The following TRIM49 variants were observed in gnomAD, a reference collection of about 807,000 sequenced individuals.
TRIM49 encodes the protein tripartite motif containing 49.
TRIM49 carries 5 observed loss-of-function variants against 27.4 expected under a neutral mutation model. The observed-to-expected ratio is 0.18, with a 90% CI of 0.10 to 0.38. The LOEUF (loss-of-function observed/expected upper bound fraction) is 0.38. Among genes scored for constraint, TRIM49 ranks in the 10% least tolerant of loss-of-function variants. The probability of loss-of-function intolerance (pLI) is 1.00; values close to 1 mark genes in which losing one functional copy is unlikely to be tolerated. For missense variants in TRIM49, 188 were observed against 487.5 expected (o/e 0.39, Z 5.79); for synonymous variants, 69 against 166.0 (o/e 0.42, Z 4.49).
the TRIM49 span, chr11:89,768,290 C>A: frequency 6.7e-7 from 1 of 1,496,134 alleles, no homozygotes; most frequent in South Asian, 1.2e-5. Flanking sequence ...CTCACTCCTG[C>A]AAGGAAGTAG....
the TRIM49 span, among the ~76,000 whole-genome samples, chr11:89,791,036 T>G: frequency 6.8e-6 from 1 of 146,634 alleles, no homozygotes; most frequent in African/African-American, 2.6e-5. Context: ...AGAACCAATG[T>G]AGAGAAGTCC....
the TRIM49 span, among the ~76,000 whole-genome samples, chr11:89,783,636 A>C: frequency 7.1e-6 from 1 of 140,876 alleles, no homozygotes; most frequent in Non-Finnish European, 1.5e-5. Flanking sequence ...AAATTTAATT[A>C]CTTGCTAAGC....
Position 89,804,016 on chromosome 11 carries a change from T to C in TRIM49, c.411+43A>G, listed in dbSNP as rs778953165. On this transcript the variant is annotated intron_variant, in intron 3 of 7. Coordinates refer to ENST00000329758, the MANE Select transcript of TRIM49 (RefSeq NM_020358.2). ...CAAGAAAATAGACCCACAGGAATTTTATGCTTCCTTTACAGAAATCGATCT... is the reference window on the plus strand; with the variant it reads ...CAAGAAAATAGACCCACAGGAATTTCATGCTTCCTTTACAGAAATCGATCT... The C allele has an allele frequency of 2.3e-5, 37 of 1,611,236 alleles. No individual in the cohort carries two copies. In the African/African-American group the frequency reaches 2.5e-4, roughly 11 times the overall value.
At chr11:89,790,275 G>A in the TRIM49 span, among the ~76,000 whole-genome samples, 1 of 139,472 alleles carries the variant, frequency 7.2e-6, no homozygotes, top group Non-Finnish European at 1.6e-5. Context: ...AAACTGGGTG[G>A]AGCCCACTGC....
chr11:89,766,718 C>T, the TRIM49 span: 1 of 1,534,440 alleles, frequency 6.5e-7, no homozygotes, highest in South Asian at 1.1e-5. Context: ...AATCAAGAAA[C>T]ACACCAACTC....
At chr11:89,803,857 G>A in intron 3 of TRIM49, 64 bp from the exon 4 acceptor site, 1 of 821,376 alleles carries the variant, frequency 1.2e-6, no homozygotes, top group East Asian at 2.7e-5. Context: ...GGCCCAGAAT[G>A]AGAGACAAAT....
chr11:89,785,226 G>GAATAAATA, the TRIM49 span, among the ~76,000 whole-genome samples: 66 of 133,272 alleles, frequency 5.0e-4, 4 homozygotes, highest in African/African-American at 7.2e-4. Flanking sequence ...CTGCCTCAGT[G>GAATAAATA]AATAAATAAA....
chr11:89,800,356 A>G (rs1295982160), intron 6 of TRIM49, among the ~76,000 whole-genome samples: 1 of 151,644 alleles, frequency 6.6e-6, no homozygotes, highest in Non-Finnish European at 1.5e-5. Flanking sequence ...CTGCTAAAAT[A>G]CTTCCTCCTC....
intron 4 of TRIM49, among the ~76,000 whole-genome samples, chr11:89,802,240 T>TTGGA (rs1489565134): frequency 6.7e-6 from 1 of 148,890 alleles, no homozygotes; most frequent in African/African-American, 2.5e-5. Context: ...TGCTTGAGAG[T>TTGGA]TGGAGTATAG....
At chr11:89,766,693 C>A in the TRIM49 span, 1 of 1,527,890 alleles carries the variant, frequency 6.5e-7, no homozygotes. Flanking sequence ...AAAAAACTCA[C>A]ACTTCCACTT....
At chr11:89,770,554 C>T in the TRIM49 span, among the ~76,000 whole-genome samples, 2 of 142,380 alleles carry the variant, frequency 1.4e-5, 1 homozygote, top group African/African-American at 5.9e-5. Flanking sequence ...CTTTTCTGAC[C>T]ATAGTATTAA....
chr11:89,796,121 G>A (rs1392354490), downstream of TRIM49, among the ~76,000 whole-genome samples: 1 of 151,842 alleles, frequency 6.6e-6, no homozygotes, highest in African/African-American at 2.4e-5. Context: ...CTTTTGTCTG[G>A]TCTAAGCAAA....
At chr11:89,766,775 C>A in the TRIM49 span, 2 of 1,310,760 alleles carry the variant, frequency 1.5e-6, no homozygotes, top group South Asian at 1.2e-5. Context: ...GGGAGGTGGT[C>A]AAGAGACTGA....
rs1215486497 is a variant in TRIM49 at position 89,798,768 on chromosome 11, A to T, written c.860-139T>A. On this transcript the variant is annotated intron_variant, in intron 7 of 7. Coordinates refer to ENST00000329758, the MANE Select transcript of TRIM49 (RefSeq NM_020358.2). ...TTGTAACTTCTAGTAAAGTATAGAG[A>T]TGGTTAATATTATATACAAGACAAA... 103 of 1,229,198 alleles carry T rather than the reference A, an allele frequency of 8.4e-5. 4 individuals carry two copies. Among genetic ancestry groups the T allele is most frequent in the Non-Finnish European group, 1.1e-4 (101 of 961,090 alleles). The allele number at this position is 1,229,198 out of a possible 1,614,324, so 76.1% of individuals were successfully genotyped here.
In TRIM49 at chr11:89,802,890, C is replaced by G. The variant is rs1591514563; in HGVS notation, c.507+808G>C. On this transcript the variant is annotated intron_variant, in intron 4 of 7. Transcript: ENST00000329758. ...ATATATTTGTGTATTGACAATTTGA[C>G]TCTCTTATTTGGATTGTATGATTTG... Among the ~76,000 whole-genome samples, 3 of 149,470 alleles carry G rather than the reference C, an allele frequency of 2.0e-5. No individual in the cohort carries two copies. The South Asian group carries it at 6.3e-4, about 32-fold the overall frequency.
downstream of TRIM49, among the ~76,000 whole-genome samples, chr11:89,796,948 G>T (rs1208072082): frequency 1.3e-4 from 20 of 150,436 alleles, no homozygotes; most frequent in African/African-American, 4.1e-4. Context: ...TAGCCCATAA[G>T]AAATGCTAAT....
chr11:89,797,382 TA>T (rs1286552575), downstream of TRIM49, among the ~76,000 whole-genome samples: 2 of 151,096 alleles, frequency 1.3e-5, no homozygotes, highest in Non-Finnish European at 3.0e-5. Context: ...CTAATTGTTT[TA>T]ATTATTAATT....
downstream of TRIM49, among the ~76,000 whole-genome samples, chr11:89,795,718 C>G (rs1466633783): frequency 8.1e-6 from 1 of 123,446 alleles, no homozygotes; most frequent in African/African-American, 3.1e-5. Flanking sequence ...AGGGGAACAT[C>G]ACACATAGGG....
At chr11:89,777,699 A>T in the TRIM49 span, among the ~76,000 whole-genome samples, 12 of 150,870 alleles carry the variant, frequency 8.0e-5, no homozygotes, top group East Asian at 6.0e-4. Context: ...TTTCTCAGAA[A>T]ATTGATGATA....
Sources: allele counts gnomAD v4.1 joint callset (sites outside exome capture counted in the v4.1 genomes callset), GRCh38; gene constraint gnomAD v4.1.1; transcripts MANE v1.5; gene names NCBI Gene and HGNC (gene_info 2026-07-23, HGNC 2026-07-21).